The following OTOP1 variants were observed in gnomAD, a reference collection of about 807,000 sequenced individuals.
OTOP1 encodes the protein proton channel OTOP1.
Under a neutral mutation model 52.9 loss-of-function variants are expected in OTOP1, and 59 were observed. That is an observed-to-expected ratio of 1.12 (90% CI 0.91 to 1.39). OTOP1 has a LOEUF of 1.39. Ranked by LOEUF, OTOP1 falls within the 40% of genes most tolerant of loss-of-function variation. OTOP1 has a pLI of 0.00. For missense variants in OTOP1, 761 were observed against 800.9 expected, an observed-to-expected ratio of 0.95 and a Z score of 0.60; for synonymous variants, 317 against 337.7, an observed-to-expected ratio of 0.94 and a Z score of 0.67.
At chr4:4,206,205 A>G (rs1716901975) in intron 2 of OTOP1, 75 bp from the exon 3 acceptor site, 4 of 1,258,000 alleles carry the variant, frequency 3.2e-6, no homozygotes, top group Admixed American at 2.0e-5. Flanking sequence ...GAGAAGCTAT[A>G]AAACTCAAAG....
intron 4 of OTOP1, among the ~76,000 whole-genome samples, chr4:4,201,363 G>A (rs112952845): frequency 0.041 from 6,239 of 151,934 alleles, 435 homozygotes; most frequent in African/African-American, 0.14. Flanking sequence ...GGAGGCAGAG[G>A]TTGCAGTGAG....
intron 1 of OTOP1, among the ~76,000 whole-genome samples, chr4:4,221,643 T>C (rs1717302450): frequency 6.6e-6 from 1 of 152,112 alleles, no homozygotes; most frequent in Non-Finnish European, 1.5e-5. Flanking sequence ...CAGTGAGGGC[T>C]CATTAGTTGT....
Position 4,188,840 on chromosome 4 carries a change from G to A in OTOP1, c.1802C>T (p.Ala601Val). 1.9e-6 allele frequency: 3 copies of A among 1,613,896 alleles called. No homozygotes were observed. The highest frequency in any genetic ancestry group is 2.5e-6 in the Non-Finnish European group (3 of 1,179,810). ...MPFSIFYRMHAAASLFEVYCK... is the reference protein window; with the variant it reads ...MPFSIFYRMHVAASLFEVYCK... ...ATAGACCTCAAAGAGGGAGGCAGCT[G>A]CGTGCATTCGATAGAAAATAGAAAA... is the stretch of plus-strand genomic sequence containing the variant. Residue 601 changes from alanine to valine, a missense_variant, in exon 6 of 6, where the codon GCA (alanine) becomes GTA (valine). By Grantham distance (64) the Ala-to-Val change is moderately conservative. Coordinates refer to ENST00000296358, the MANE Select transcript of OTOP1 (RefSeq NM_177998.3).
chr4:4,225,814 C>T (rs1337997831), intron 1 of OTOP1, among the ~76,000 whole-genome samples: 1 of 152,048 alleles, frequency 6.6e-6, no homozygotes, highest in Non-Finnish European at 1.5e-5. Flanking sequence ...AGGGTACAGA[C>T]ATGTTGACAA....
At chr4:4,219,881 ATATACACATATATG>A (rs1174519208) in intron 1 of OTOP1, among the ~76,000 whole-genome samples, 3 of 145,754 alleles carry the variant, frequency 2.1e-5, no homozygotes, top group Non-Finnish European at 3.0e-5. Context: ...ATATATGTAT[ATATACACATATATG>A]TATACACATA....
At chr4:4,226,002 C>T (rs1410877585) in intron 1 of OTOP1, among the ~76,000 whole-genome samples, 2 of 152,122 alleles carry the variant, frequency 1.3e-5, no homozygotes, top group African/African-American at 4.8e-5. Context: ...ACCGAAGGTG[C>T]CGAATGTGCA....
chr4:4,198,223 C>A (rs544949922), intron 4 of OTOP1, 120 bp from the exon 5 acceptor site: 51 of 765,758 alleles, frequency 6.7e-5, no homozygotes, highest in African/African-American at 6.5e-4. Flanking sequence ...GGATTATGAG[C>A]TTTATCATGT....
intron 1 of OTOP1, among the ~76,000 whole-genome samples, chr4:4,216,622 T>C (rs1303541533): frequency 6.6e-6 from 1 of 152,220 alleles, no homozygotes. Context: ...TTTTTAATCC[T>C]GGAAACACCC....
chr4:4,210,856 G>C (rs192795339), intron 2 of OTOP1, among the ~76,000 whole-genome samples: 5 of 152,128 alleles, frequency 3.3e-5, no homozygotes, highest in Admixed American at 2.0e-4. Flanking sequence ...AAGACACCAG[G>C]CATATTGAAT....
intron 3 of OTOP1, among the ~76,000 whole-genome samples, chr4:4,203,013 A>G (rs1716823967): frequency 2.6e-5 from 4 of 152,220 alleles, no homozygotes; most frequent in Admixed American, 2.6e-4. Context: ...CTTACTGCTG[A>G]TTGGCCAACC....
chr4:4,198,820 T>G (rs899357479), intron 4 of OTOP1, among the ~76,000 whole-genome samples: 3 of 152,176 alleles, frequency 2.0e-5, no homozygotes, highest in Admixed American at 6.5e-5. Flanking sequence ...CTAAAGGCGA[T>G]GCAGTCTCTG....
chr4:4,188,838 C>G lies in OTOP1; in HGVS notation c.1804G>C (p.Ala602Pro). 6.2e-7 allele frequency: 1 copy of G among 1,613,854 alleles called. No homozygotes were observed. Among genetic ancestry groups the G allele is most frequent in the Non-Finnish European group, 8.5e-7 (1 of 1,179,804 alleles). Residue 602 changes from alanine to proline, a missense_variant, in exon 6 of 6, where the codon GCT (alanine) becomes CCT (proline). This residue lies in a region of OTOP1 where 632 missense variants were observed against 619.5 expected (regional missense o/e 1.02). Coordinates refer to ENST00000296358, the MANE Select transcript of OTOP1 (RefSeq NM_177998.3). The stretch of plus-strand genomic sequence containing the variant: ...CAATAGACCTCAAAGAGGGAGGCAG[C>G]TGCGTGCATTCGATAGAAAATAGAA... ...PFSIFYRMHA[A>P]ASLFEVYCKI
Position 4,197,472 on chromosome 4 carries a change from G to A in OTOP1, c.1362C>T (p.Leu454=). 6.2e-7 allele frequency: 1 copy of A among 1,614,124 alleles called. No individual in the cohort carries two copies. Among genetic ancestry groups the A allele is most frequent in the South Asian group, 1.1e-5 (1 of 91,060 alleles). The stretch of plus-strand genomic sequence containing the variant: ...CCCGAAGGGTTTGGATGTCCTCAGA[G>A]AGTTTTTCAGGCTCTCGGTGAATGG... ...FESIHREPEK[L]SEDIQTLRVV... The change falls in exon 5 of 6, where the codon CTC becomes CTT. Residue 454 remains leucine, a synonymous_variant. Transcript: ENST00000296358.
chr4:4,189,663 T>C (rs991826371), intron 5 of OTOP1, among the ~76,000 whole-genome samples: 1 of 152,212 alleles, frequency 6.6e-6, no homozygotes, highest in Non-Finnish European at 1.5e-5. Flanking sequence ...CTTCTGAAAT[T>C]AGGTTGCAAA....
rs187605358 is a variant in OTOP1, at chr4:4,201,056, C to T, written c.730+1392G>A. Among the ~76,000 whole-genome samples the T allele has an allele frequency of 2.0e-5, 3 of 152,286 alleles. No homozygotes were observed. The East Asian group carries it at 5.8e-4, about 29-fold the overall frequency. ...CAGATTGTTAGGATTCAAATCATGG[C>T]TCGATCACGTGTTCACTGTGTTACC... On this transcript the variant is annotated intron_variant, in intron 4 of 5. Transcript: ENST00000296358.
intron 4 of OTOP1, among the ~76,000 whole-genome samples, chr4:4,199,956 C>T (rs1276236565): frequency 1.3e-5 from 2 of 152,106 alleles, no homozygotes; most frequent in Non-Finnish European, 2.9e-5. Flanking sequence ...AGTATTATTT[C>T]ATCAAGCATA....
At chr4:4,192,439 A>G (rs2920168) in intron 5 of OTOP1, among the ~76,000 whole-genome samples, 97,536 of 152,154 alleles carry the variant, frequency 0.64, 31,735 homozygotes, top group African/African-American at 0.74. Context: ...AATAAATCCC[A>G]TGAGACAAAA....
intron 2 of OTOP1, among the ~76,000 whole-genome samples, chr4:4,208,503 C>T (rs1716956379): frequency 6.6e-6 from 1 of 152,060 alleles, no homozygotes; most frequent in South Asian, 2.1e-4. Flanking sequence ...GAACGTTATG[C>T]TGTGAGAAAT....
chr4:4,193,231 A>G (rs1357933455), intron 5 of OTOP1, among the ~76,000 whole-genome samples: 1 of 151,492 alleles, frequency 6.6e-6, no homozygotes, highest in Non-Finnish European at 1.5e-5. Context: ...CCTTGCATCC[A>G]TCCCTTCCCC....
Sources: allele counts gnomAD v4.1 joint callset (sites outside exome capture counted in the v4.1 genomes callset), GRCh38; gene constraint gnomAD v4.1.1; regional missense constraint gnomAD v4.1.1; transcripts MANE v1.5; gene names NCBI Gene and HGNC (gene_info 2026-07-23, HGNC 2026-07-21).